CFAP69: variants seen among roughly 807,000 people sequenced by gnomAD.
CFAP69 encodes the protein cilia and flagella associated protein 69, also known as cilia- and flagella-associated protein 69.
A neutral mutation model predicts 123.0 loss-of-function variants in CFAP69; 92 were observed. The ratio of observed to expected loss-of-function variants is 0.75; its 90% CI spans 0.63 to 0.89. The LOEUF (loss-of-function observed/expected upper bound fraction) is 0.89, where lower values mean the gene tolerates loss of function less well. Ranked by LOEUF, CFAP69 falls within the 40% of genes least tolerant of loss-of-function variation. The pLI, the probability that CFAP69 is intolerant of heterozygous loss-of-function variation, is 0.00. For missense variants in CFAP69, 1,067 were observed against 1,096.9 expected, an observed-to-expected ratio of 0.97 and a Z score of 0.39; for synonymous variants, 380 against 364.3, an observed-to-expected ratio of 1.04 and a Z score of -0.49.
chr7:90,273,971 TGA>T lies in CFAP69; in HGVS notation c.861-15_861-14del. On this transcript the variant is annotated splice_polypyrimidine_tract_variant and intron_variant, in intron 8 of 22. Coordinates refer to ENST00000389297, the MANE Select transcript of CFAP69 (RefSeq NM_001039706.3). ...GTATAACAATATAGTTTTTAAAATA[TGA>T]TTTTACTTTCTAGGGCTTTGAAGGA... 1 of 1,555,056 alleles carries T rather than the reference TGA, an allele frequency of 6.4e-7. No individual in the cohort carries two copies. The highest frequency in any genetic ancestry group is 8.7e-7 in the Non-Finnish European group (1 of 1,148,762).
At chr7:90,309,921 C>T (rs1016018169) in intron 22 of CFAP69, 147 bp from the exon 23 acceptor site, 11 of 580,974 alleles carry the variant, frequency 1.9e-5, no homozygotes, top group Non-Finnish European at 2.9e-5. Flanking sequence ...GGCTCCGATG[C>T]CCTTATCTTT....
intron 3 of CFAP69, among the ~76,000 whole-genome samples, chr7:90,259,218 G>A (rs754490542): frequency 1.3e-5 from 2 of 152,066 alleles, no homozygotes; most frequent in Non-Finnish European, 2.9e-5. Flanking sequence ...TTCAAGACCA[G>A]ACTGGTCAAC....
chr7:90,283,325 T>C (rs1339307219), intron 13 of CFAP69, among the ~76,000 whole-genome samples: 2 of 152,194 alleles, frequency 1.3e-5, no homozygotes, highest in Non-Finnish European at 1.5e-5. Flanking sequence ...TCTATTGTTA[T>C]GTTTTATTCT....
intron 2 of CFAP69, among the ~76,000 whole-genome samples, chr7:90,255,850 A>G (rs1285375317): frequency 6.6e-6 from 1 of 152,224 alleles, no homozygotes; most frequent in Non-Finnish European, 1.5e-5. Flanking sequence ...TTATGAAATC[A>G]GGATAGATAC....
rs377256092 is a variant in CFAP69 at position 90,285,934 on chromosome 7, G to C, written c.1538-347G>C. 3.9e-5 allele frequency among the ~76,000 whole-genome samples: 6 copies of C among 152,148 alleles called. No individual in the cohort carries two copies. In the East Asian group the frequency reaches 7.7e-4, roughly 20 times the overall value. ...GGTAGGGCTACTGATTGTATTGAAA[G>C]CTCCAGGAATTCATTTATCATCTTC... On this transcript the variant is annotated intron_variant, in intron 13 of 22. Coordinates refer to ENST00000389297, the MANE Select transcript of CFAP69 (RefSeq NM_001039706.3).
chr7:90,280,050 A>G (rs972783508), intron 12 of CFAP69, among the ~76,000 whole-genome samples, 157 bp downstream of exon 12: 1 of 152,244 alleles, frequency 6.6e-6, no homozygotes, highest in African/African-American at 2.4e-5. Flanking sequence ...TTGTTTTAAG[A>G]AAAACACAGA....
chr7:90,289,745 T>C (rs1236178718), intron 15 of CFAP69, among the ~76,000 whole-genome samples: 3 of 152,208 alleles, frequency 2.0e-5, no homozygotes, highest in Non-Finnish European at 2.9e-5. Context: ...AGAAGCTTTA[T>C]TGTTTTGCCC....
chr7:90,319,055 G>T, the CFAP69 span: 8 of 229,654 alleles, frequency 3.5e-5, no homozygotes, highest in East Asian at 8.8e-5. Flanking sequence ...AATGTAATAT[G>T]AATAATTACA....
chr7:90,296,283 CAATAT>C (rs1791946452), intron 15 of CFAP69, among the ~76,000 whole-genome samples: 1 of 152,082 alleles, frequency 6.6e-6, no homozygotes, highest in South Asian at 2.1e-4. Context: ...ATTCTGAGCC[CAATAT>C]AATTGACCAA....
intron 12 of CFAP69, 92 bp downstream of exon 12, chr7:90,279,985 T>G: frequency 1.0e-6 from 1 of 962,808 alleles, no homozygotes; most frequent in Non-Finnish European, 1.5e-6. Context: ...ATGAAGTTAA[T>G]TAAAGCAATG....
At position 90,304,757 on chromosome 7, in the gene CFAP69, A is replaced by G. The variant is rs1394777059; in HGVS notation, c.2202A>G (p.Leu734=). The G allele has an allele frequency of 1.9e-6, 3 of 1,600,478 alleles. No homozygotes were observed. In the Middle Eastern group the frequency reaches 5.0e-4, roughly 265 times the overall value. Residue 734 remains leucine, a synonymous_variant, in exon 19 of 23, where the codon TTA becomes TTG. Transcript: ENST00000389297. The part of the protein sequence containing the change: ...AILGKLDFEN[L]PGLSAEDFVT... ...ACTTTATTTTAGATTTTGAAAATTT[A>G]CCTGGCCTATCTGCTGAAGATTTTG...
chr7:90,273,436 T>C (rs1238371370), intron 8 of CFAP69, among the ~76,000 whole-genome samples: 1 of 152,198 alleles, frequency 6.6e-6, no homozygotes, highest in Non-Finnish European at 1.5e-5. Context: ...TATAGAGCTG[T>C]CACTTTGACC....
chr7:90,304,282 CTG>C, intron 18 of CFAP69, 176 bp downstream of exon 18: 2 of 1,339,610 alleles, frequency 1.5e-6, no homozygotes, highest in South Asian at 2.1e-5. Flanking sequence ...ATCAGAATCT[CTG>C]TGTGTGGGAT....
chr7:90,315,444 CT>C (rs1410752974), downstream of CFAP69, among the ~76,000 whole-genome samples: 2 of 152,196 alleles, frequency 1.3e-5, no homozygotes, highest in African/African-American at 2.4e-5. Flanking sequence ...GAGATCATGT[CT>C]TTTGCAAGAA....
Position 90,286,242 on chromosome 7 carries a change from G to A in CFAP69, c.1538-39G>A, listed in dbSNP as rs747462119. The A allele has an allele frequency of 6.6e-6, 10 of 1,513,984 alleles. No homozygotes were observed. In the East Asian group the frequency reaches 6.9e-5, roughly 10 times the overall value. 93.8% of individuals were successfully genotyped at this position (1,513,984 alleles called of 1,614,324 possible). A position where few individuals can be genotyped will look rare whatever the true frequency, so the allele number is the denominator to read the frequency against. On this transcript the variant is annotated intron_variant, in intron 13 of 22. Transcript: ENST00000389297. ...AGTAATTGATCAAAATAAAAGTAGTGTCCAATAACTATACAGTCTTTAAAT... is the reference window on the plus strand; with the variant it reads ...AGTAATTGATCAAAATAAAAGTAGTATCCAATAACTATACAGTCTTTAAAT...
intron 15 of CFAP69, among the ~76,000 whole-genome samples, chr7:90,295,405 C>T (rs1429936945): frequency 6.6e-6 from 1 of 152,214 alleles, no homozygotes; most frequent in Non-Finnish European, 1.5e-5. Flanking sequence ...TGCCATCCTT[C>T]AGCCGAGTAC....
At position 90,308,253 on chromosome 7, in the gene CFAP69, CTG is replaced by C. The variant is rs72008338; in HGVS notation, c.2550+402_2550+403del. Among the ~76,000 whole-genome samples the C allele has an allele frequency of 8.1e-3, 1,241 of 152,282 alleles. 16 individuals carry two copies. Among genetic ancestry groups the C allele is most frequent in the African/African-American group, 0.029 (1,189 of 41,556 alleles). On this transcript the variant is annotated intron_variant, in intron 21 of 22. Transcript: ENST00000389297. ...CTCTGTCCCCCAAGAGCTTTTCCCTCTGTGATCACCAAAAGAAGCATTATGTT... is the reference window on the plus strand; with the variant it reads ...CTCTGTCCCCCAAGAGCTTTTCCCTCTGATCACCAAAAGAAGCATTATGTT...
chr7:90,306,909 A>G lies in CFAP69; in HGVS notation c.2274A>G (p.Glu758=). 6.7e-7 allele frequency: 1 copy of G among 1,500,884 alleles called. No homozygotes were observed. The highest frequency in any genetic ancestry group is 9.2e-7 in the Non-Finnish European group (1 of 1,090,072). The allele number at this position is 1,500,884 out of a possible 1,614,324, so 93.0% of individuals were successfully genotyped here. A position where few individuals can be genotyped will look rare whatever the true frequency, so the allele number is the denominator to read the frequency against. ...AAACTTTGTTATAACAGATTGGAGA[A>G]ATATGGAATGAAATATATGAAGAAA... ...IHRYLDFKIG[E]IWNEIYEEIK... is the part of the protein sequence containing the mutation. Residue 758 remains glutamate (E), a synonymous_variant, in exon 20 of 23, where the codon GAA becomes GAG. Transcript: ENST00000389297.
the CFAP69 span, chr7:90,318,816 A>G: frequency 6.6e-6 from 1 of 152,162 alleles, no homozygotes; most frequent in Non-Finnish European, 1.5e-5. Context: ...ATTTGACCTC[A>G]TAAATACAAG....
Sources: allele counts gnomAD v4.1 joint callset (sites outside exome capture counted in the v4.1 genomes callset), GRCh38; gene constraint gnomAD v4.1.1; transcripts MANE v1.5; gene names NCBI Gene and HGNC (gene_info 2026-07-23, HGNC 2026-07-21).